The following RABL3 variants were observed in gnomAD, a reference collection of about 807,000 sequenced individuals.
The protein encoded by RABL3 is RAB, member of RAS oncogene family like 3, also known as rab-like protein 3.
Under a neutral mutation model 31.8 loss-of-function variants are expected in RABL3, and 31 were observed. The observed-to-expected ratio is 0.97, with a 90% CI of 0.73 to 1.31. The LOEUF (loss-of-function observed/expected upper bound fraction) is 1.31, where lower values mean the gene tolerates loss of function less well. Ranked by LOEUF, RABL3 falls within the 40% of genes most tolerant of loss-of-function variation. The pLI, the probability that RABL3 is intolerant of heterozygous loss-of-function variation, is 0.00. For missense variants in RABL3, 263 were observed against 279.6 expected (o/e 0.94, Z 0.42); for synonymous variants, 97 against 99.9 (o/e 0.97, Z 0.18).
At chr3:120,733,824 A>C (rs1448871449) in intron 1 of RABL3, among the ~76,000 whole-genome samples, 1 of 152,164 alleles carries the variant, frequency 6.6e-6, no homozygotes, top group Non-Finnish European at 1.5e-5. Flanking sequence ...TCCTTTCCCC[A>C]TTGCTTGTTT....
chr3:120,708,114 G>A (rs1249972613), intron 3 of RABL3, among the ~76,000 whole-genome samples: 12 of 151,976 alleles, frequency 7.9e-5, no homozygotes, highest in Non-Finnish European at 1.8e-4. Context: ...AGGAAACTAA[G>A]GATAGTAGAT....
At chr3:120,724,280 C>T (rs911256849) in intron 2 of RABL3, among the ~76,000 whole-genome samples, 11 of 152,204 alleles carry the variant, frequency 7.2e-5, no homozygotes, top group Admixed American at 2.6e-4. Context: ...TTACAAACCA[C>T]TGCTCAACGA....
At chr3:120,723,208 T>C (rs902508306) in intron 2 of RABL3, among the ~76,000 whole-genome samples, 2 of 152,112 alleles carry the variant, frequency 1.3e-5, no homozygotes, top group Admixed American at 6.5e-5. Context: ...AAGAAATGGA[T>C]AAATTCCTGG....
At chr3:120,710,075 G>T (rs1175297900) in intron 2 of RABL3, among the ~76,000 whole-genome samples, 166 bp from the exon 3 acceptor site, 3 of 151,886 alleles carry the variant, frequency 2.0e-5, no homozygotes, top group Admixed American at 2.0e-4. Flanking sequence ...TACTCCAGAG[G>T]ACCTTATAGT....
rs371697075 is a variant in RABL3 at position 120,726,280 on chromosome 3, A to T, written c.138+4416T>A. On this transcript the variant is annotated intron_variant, in intron 2 of 7. Coordinates refer to ENST00000273375, the MANE Select transcript of RABL3 (RefSeq NM_173825.5). ...GCCTTTTGATTTCTGTTAAAAAAAA[A>T]CCTCTTTATTTCAAATTTAATTTTG... 7.9e-4 allele frequency among the ~76,000 whole-genome samples: 120 copies of T among 152,220 alleles called. 1 individual carries two copies. Among genetic ancestry groups the T allele is most frequent in the African/African-American group, 2.8e-3 (116 of 41,518 alleles).
chr3:120,721,153 C>T (rs537011410), intron 2 of RABL3, among the ~76,000 whole-genome samples: 10 of 152,268 alleles, frequency 6.6e-5, no homozygotes, highest in Non-Finnish European at 1.3e-4. Context: ...TCTGTCACCA[C>T]CAGGCCTGCC....
chr3:120,726,327 C>T lies in RABL3; in HGVS notation c.138+4369G>A, dbSNP rs550678434. ...TTTGTTTGCTATCTGTGCTTTTATT[C>T]AAAAGAAGAGTTTAGGGCCCGGCAT... On this transcript the variant is annotated intron_variant, in intron 2 of 7. Coordinates refer to ENST00000273375, the MANE Select transcript of RABL3 (RefSeq NM_173825.5). Among the ~76,000 whole-genome samples, 7 of 152,108 alleles carry T rather than the reference C, an allele frequency of 4.6e-5. No homozygotes were observed. In the East Asian group the frequency reaches 1.4e-3, roughly 29 times the overall value.
chr3:120,714,014 A>G (rs1197075353), intron 2 of RABL3, among the ~76,000 whole-genome samples: 1 of 151,998 alleles, frequency 6.6e-6, no homozygotes, highest in African/African-American at 2.4e-5. Flanking sequence ...GTTTCACCAT[A>G]TTGGCCAGGC....
intron 2 of RABL3, among the ~76,000 whole-genome samples, chr3:120,727,425 GTTATT>G (rs1480639860): frequency 1.9e-4 from 29 of 151,816 alleles, no homozygotes; most frequent in Non-Finnish European, 3.8e-4. Context: ...AAGGAATATA[GTTATT>G]TTATTATTTT....
chr3:120,692,930 T>C (rs1005684747), intron 6 of RABL3, among the ~76,000 whole-genome samples: 6 of 152,202 alleles, frequency 3.9e-5, no homozygotes, highest in Admixed American at 6.5e-5. Flanking sequence ...GATGGGGCCA[T>C]AGATCTAAAC....
chr3:120,724,000 A>G (rs1392944326), intron 2 of RABL3, among the ~76,000 whole-genome samples: 1 of 152,208 alleles, frequency 6.6e-6, no homozygotes. Context: ...GAAAAGAGGA[A>G]GTCAAATTGT....
chr3:120,727,170 G>T (rs1708832062), intron 2 of RABL3, among the ~76,000 whole-genome samples: 1 of 152,082 alleles, frequency 6.6e-6, no homozygotes, highest in South Asian at 2.1e-4. Flanking sequence ...GATAAGAGCA[G>T]AAACTAACAA....
rs1402599083 is a variant in RABL3 at position 120,688,878 on chromosome 3, A to C, written c.*945T>G. On this transcript the variant is annotated 3_prime_UTR_variant, in exon 8 of 8. Transcript: ENST00000273375. ...GAATCCTAGTTCATAATTCATGTAA[A>C]TGTGTTGCTGTGGAACTTATTTTTA... 6.6e-6 allele frequency: 1 copy of C among 152,176 alleles called. No homozygotes were observed. The highest frequency in any genetic ancestry group is 1.5e-5 in the Non-Finnish European group (1 of 68,018). The allele number at this position is 152,176 out of a possible 1,614,324, so 9.4% of individuals were successfully genotyped here.
intron 3 of RABL3, among the ~76,000 whole-genome samples, chr3:120,706,578 G>A (rs1265820606): frequency 8.7e-6 from 1 of 115,464 alleles, no homozygotes; most frequent in Non-Finnish European, 2.2e-5. Flanking sequence ...GTAATATTAG[G>A]TAATGAAAAT....
At chr3:120,710,240 T>C (rs1559815989) in intron 2 of RABL3, 1 of 170,414 alleles carries the variant, frequency 5.9e-6, no homozygotes, top group Non-Finnish European at 1.3e-5. Context: ...CTTGGTTATA[T>C]CCACCTTTTA....
intron 2 of RABL3, among the ~76,000 whole-genome samples, chr3:120,714,100 G>A (rs987205586): frequency 3.3e-5 from 5 of 152,144 alleles, no homozygotes; most frequent in African/African-American, 4.8e-5. Context: ...GTAAGCCACC[G>A]CGCCTGGCCC....
chr3:120,727,607 C>T (rs1035563697), intron 2 of RABL3, among the ~76,000 whole-genome samples: 1 of 151,948 alleles, frequency 6.6e-6, no homozygotes, highest in Admixed American at 6.6e-5. Context: ...ATAAGGTTAG[C>T]ATAAGCCTGA....
intron 2 of RABL3, among the ~76,000 whole-genome samples, chr3:120,713,887 T>G (rs1365129298): frequency 2.0e-5 from 3 of 148,976 alleles, no homozygotes; most frequent in Non-Finnish European, 4.4e-5. Flanking sequence ...TTCAGCTCAC[T>G]GCAACCTCCG....
rs1422029861 is a variant in RABL3, at chr3:120,717,078, C to T, written c.139-7169G>A. ...GACCAGCCTGGCCAACATTGTGAAA[C>T]CCAGTCTCTACTCAAAATACAAAAA... On this transcript the variant is annotated intron_variant, in intron 2 of 7. Transcript: ENST00000273375. Among the ~76,000 whole-genome samples the T allele has an allele frequency of 2.0e-5, 3 of 152,086 alleles. No homozygotes were observed. The South Asian group carries it at 6.2e-4, about 32-fold the overall frequency.
Sources: allele counts gnomAD v4.1 joint callset (sites outside exome capture counted in the v4.1 genomes callset), GRCh38; gene constraint gnomAD v4.1.1; transcripts MANE v1.5; gene names NCBI Gene and HGNC (gene_info 2026-07-23, HGNC 2026-07-21).